The following STXBP5L variants were observed in gnomAD, a reference collection of about 807,000 sequenced individuals.
STXBP5L encodes the protein syntaxin-binding protein 5-like.
STXBP5L carries 65 observed loss-of-function variants against 144.5 expected under a neutral mutation model. The observed-to-expected ratio is 0.45, with a 90% CI of 0.37 to 0.55. The LOEUF is 0.55. STXBP5L is among the 20% of genes least tolerant of loss of function. STXBP5L has a pLI of 0.00. For missense variants in STXBP5L, 1,298 were observed against 1,405.5 expected (o/e 0.92, Z 1.22); for synonymous variants, 505 against 469.6 (o/e 1.08, Z -0.97).
chr3:120,940,070 A>C (rs1710483726), intron 2 of STXBP5L, among the ~76,000 whole-genome samples: 1 of 152,136 alleles, frequency 6.6e-6, no homozygotes, highest in Admixed American at 6.6e-5. Context: ...TTTACCCAAA[A>C]GCCAAATTAT....
At chr3:121,311,638 A>G (rs2043532898) in intron 19 of STXBP5L, among the ~76,000 whole-genome samples, 1 of 152,216 alleles carries the variant, frequency 6.6e-6, no homozygotes, top group South Asian at 2.1e-4. Context: ...CTTACAAGGG[A>G]CGTGAAGGAC....
intron 10 of STXBP5L, among the ~76,000 whole-genome samples, chr3:121,217,831 G>T (rs1373861099): frequency 6.6e-6 from 1 of 151,496 alleles, no homozygotes; most frequent in Non-Finnish European, 1.5e-5. Flanking sequence ...TGCCTGAGAG[G>T]TTCTTCCATG....
chr3:120,991,329 C>G (rs1351977232), intron 3 of STXBP5L, among the ~76,000 whole-genome samples: 4 of 151,556 alleles, frequency 2.6e-5, no homozygotes, highest in Non-Finnish European at 5.9e-5. Context: ...AGTCAGGAAA[C>G]AACAGGTGCT....
In STXBP5L at chr3:121,386,296, C is replaced by T. The variant is rs2046424626; in HGVS notation, c.2587+4764C>T. 2.0e-5 allele frequency among the ~76,000 whole-genome samples: 3 copies of T among 152,084 alleles called. No individual in the cohort carries two copies. In the South Asian group the frequency reaches 6.2e-4, roughly 31 times the overall value. ...CAAGTGTACCCATTGTTTAGCTCCA[C>T]CTTATAAGTGAGAACATGTAGTTTT... On this transcript the variant is annotated intron_variant, in intron 22 of 26. Coordinates refer to ENST00000471454, the MANE Select transcript of STXBP5L (RefSeq NM_001308330.2).
chr3:121,052,134 C>T (rs1007649861), intron 5 of STXBP5L, among the ~76,000 whole-genome samples: 2 of 152,164 alleles, frequency 1.3e-5, no homozygotes, highest in Admixed American at 6.5e-5. Flanking sequence ...GGATTCACAA[C>T]CGAATTCTAC....
intron 5 of STXBP5L, among the ~76,000 whole-genome samples, chr3:121,060,694 G>T (rs1400986734): frequency 1.3e-5 from 2 of 152,142 alleles, no homozygotes. Flanking sequence ...TCCTAGTTTA[G>T]ACTTGGGAGG....
intron 9 of STXBP5L, among the ~76,000 whole-genome samples, chr3:121,185,747 A>G (rs1156615273): frequency 6.6e-6 from 1 of 152,066 alleles, no homozygotes; most frequent in Non-Finnish European, 1.5e-5. Context: ...CTCCAGATTT[A>G]TTCTTTTGGC....
At chr3:121,057,253 T>C (rs1948526733) in intron 5 of STXBP5L, among the ~76,000 whole-genome samples, 1 of 152,018 alleles carries the variant, frequency 6.6e-6, no homozygotes, top group South Asian at 2.1e-4. Context: ...TACATGTTAA[T>C]GTAGCATGTT....
At chr3:121,052,955 GACAA>G (rs1163060948) in intron 5 of STXBP5L, among the ~76,000 whole-genome samples, 4 of 152,112 alleles carry the variant, frequency 2.6e-5, no homozygotes, top group South Asian at 2.1e-4. Flanking sequence ...ACAAATAACA[GACAA>G]ACAGAGAGCC....
chr3:121,188,816 A>G (rs151180615), intron 9 of STXBP5L, among the ~76,000 whole-genome samples: 5,411 of 152,300 alleles, frequency 0.036, 146 homozygotes, highest in Middle Eastern at 0.082. Context: ...TCTCCAAATA[A>G]TAAGAGCTAT....
chr3:121,362,213 T>A (rs143278383), intron 20 of STXBP5L, among the ~76,000 whole-genome samples: 45 of 152,348 alleles, frequency 3.0e-4, no homozygotes, highest in Middle Eastern at 3.4e-3. Flanking sequence ...CCACCACTAC[T>A]ATTATTGTGA....
intron 10 of STXBP5L, among the ~76,000 whole-genome samples, chr3:121,219,961 G>GT (rs1440444273): frequency 2.6e-5 from 4 of 151,980 alleles, no homozygotes; most frequent in African/African-American, 9.7e-5. Flanking sequence ...GCTGTTTTCT[G>GT]TATGTATTTT....
chr3:121,241,825 C>A (rs2049681478), intron 14 of STXBP5L, among the ~76,000 whole-genome samples: 1 of 152,040 alleles, frequency 6.6e-6, no homozygotes, highest in South Asian at 2.1e-4. Flanking sequence ...TAAATCTATA[C>A]CAAGATAAAT....
intron 7 of STXBP5L, among the ~76,000 whole-genome samples, chr3:121,137,782 C>G (rs1210526855): frequency 1.3e-5 from 2 of 152,054 alleles, no homozygotes; most frequent in Admixed American, 1.3e-4. Flanking sequence ...TGTACCTCAA[C>G]CCAATAAGGG....
chr3:121,132,533 C>G (rs144111193), intron 7 of STXBP5L, among the ~76,000 whole-genome samples: 1 of 152,288 alleles, frequency 6.6e-6, no homozygotes, highest in East Asian at 1.9e-4. Flanking sequence ...GGGTACTTCT[C>G]TATGAGAACA....
chr3:121,343,799 A>G (rs1006391883), intron 20 of STXBP5L, among the ~76,000 whole-genome samples: 5 of 152,172 alleles, frequency 3.3e-5, no homozygotes, highest in Admixed American at 2.0e-4. Context: ...GGAAGAATCA[A>G]TATCGTGAAA....
In STXBP5L at chr3:121,211,446, C is replaced by T. The variant is rs139827125; in HGVS notation, c.956+5445C>T. Among the ~76,000 whole-genome samples the T allele has an allele frequency of 1.8e-4, 27 of 152,258 alleles. No homozygotes were observed. The East Asian group carries it at 5.0e-3, about 28-fold the overall frequency. ...CTTTCTCCTGCCTGATTGCCCTGGT[C>T]AGAACCTCCAACACTATGTTGAATA... On this transcript the variant is annotated intron_variant, in intron 10 of 26. Transcript: ENST00000471454.
chr3:121,080,970 AT>A (rs1465775841), intron 5 of STXBP5L, among the ~76,000 whole-genome samples: 1 of 152,028 alleles, frequency 6.6e-6, no homozygotes, highest in Non-Finnish European at 1.5e-5. Context: ...CAAAATTTAG[AT>A]TTTTCTTCTT....
chr3:121,164,191 C>T (rs2046420552), intron 9 of STXBP5L, among the ~76,000 whole-genome samples: 1 of 152,088 alleles, frequency 6.6e-6, no homozygotes, highest in South Asian at 2.1e-4. Flanking sequence ...AGTGAAGGAT[C>T]TGAATACACA....
Sources: allele counts gnomAD v4.1 joint callset (sites outside exome capture counted in the v4.1 genomes callset), GRCh38; gene constraint gnomAD v4.1.1; transcripts MANE v1.5; gene names NCBI Gene and HGNC (gene_info 2026-07-23, HGNC 2026-07-21).